CARS1: variants seen among roughly 807,000 people sequenced by gnomAD.
The protein encoded by CARS1 is cysteinyl-tRNA synthetase 1.
Under a neutral mutation model 106.2 loss-of-function variants are expected in CARS1, and 48 were observed. That is an observed-to-expected ratio of 0.45 (90% CI 0.36 to 0.57). The LOEUF (loss-of-function observed/expected upper bound fraction) is 0.57. CARS1 is among the 20% of genes least tolerant of loss of function. The probability of loss-of-function intolerance (pLI) is 0.00; values close to 1 mark genes in which losing one functional copy is unlikely to be tolerated. For synonymous variants in CARS1, 409 were observed against 403.4 expected (o/e 1.01, Z -0.17); for missense variants, 968 against 1,057.2 (o/e 0.92, Z 1.17).
intron 20 of CARS1, 42 bp from the exon 21 acceptor site, chr11:3,002,642 A>G (rs1265390950): frequency 6.2e-7 from 1 of 1,612,432 alleles, no homozygotes; most frequent in Non-Finnish European, 8.5e-7. Flanking sequence ...GGGCTGCCTC[A>G]GGCTGCTGGG....
rs1010748111 is a variant in CARS1 at position 3,046,949 on chromosome 11, C to CA, written c.274+803dup. The stretch of plus-strand genomic sequence containing the variant: ...TGGAGCTACGGGACAGACATCATCT[C>CA]AAAGAGAAAAAATGACTTATTTCTG... On this transcript the variant is annotated intron_variant, in intron 2 of 22. Coordinates refer to ENST00000380525, the MANE Select transcript of CARS1 (RefSeq NM_001014437.3). This position sits in a 1 kb window ranked among gnomAD's most constrained non-coding sequence, Gnocchi z 5.8. Among the ~76,000 whole-genome samples, 2 of 152,052 alleles carry CA rather than the reference C, an allele frequency of 1.3e-5. No homozygotes were observed. The highest frequency in any genetic ancestry group is 4.8e-5 in the African/African-American group (2 of 41,406).
intron 1 of CARS1, among the ~76,000 whole-genome samples, chr11:3,051,941 T>G (rs17687673): frequency 6.6e-6 from 1 of 152,222 alleles, no homozygotes; most frequent in South Asian, 2.1e-4. Flanking sequence ...GACAGTCACG[T>G]GCCTCTCACA....
At position 3,039,228 on chromosome 11, in the gene CARS1, G is replaced by A; in HGVS notation, c.617C>T (p.Ala206Val). The A allele has an allele frequency of 5.6e-6, 9 of 1,613,752 alleles. No homozygotes were observed. Among genetic ancestry groups the A allele is most frequent in the South Asian group, 1.1e-5 (1 of 91,068 alleles). Residue 206 changes from alanine to valine, a missense_variant, in exon 6 of 23, where the codon GCA becomes GTA. Ala to Val is a moderately conservative substitution (Grantham distance 64, BLOSUM62 0). Transcript: ENST00000380525. The surrounding 1 kb of genome is among the most constrained non-coding windows in gnomAD (Gnocchi z 5.6). ...EQYREKRPEAAQLLEDVQAAL... is the reference protein window; with the variant it reads ...EQYREKRPEAVQLLEDVQAAL... ...GGCCTGAACATCCTCCAAGAGCTGT[G>A]CCGCTTCAGGCCTCTTCTCCCGATA...
chr11:3,015,285 C>A (rs895490709), intron 17 of CARS1, among the ~76,000 whole-genome samples: 2 of 152,244 alleles, frequency 1.3e-5, no homozygotes, highest in African/African-American at 2.4e-5. Flanking sequence ...TGTGGACCGA[C>A]CTGGGCTCAG....
In CARS1 at chr11:3,052,286, A is replaced by G. The variant is rs192145200; in HGVS notation, c.26-4285T>C. Reference sequence around the variant, plus strand: ...CATTTCCTCACGGTAAAACACGCTCATAACATCAGCCCTGTAAAGCTGCAG... The same window carrying G: ...CATTTCCTCACGGTAAAACACGCTCGTAACATCAGCCCTGTAAAGCTGCAG... On this transcript the variant is annotated intron_variant, in intron 1 of 22. Transcript: ENST00000380525. The surrounding 1 kb of genome is among the most constrained non-coding windows in gnomAD (Gnocchi z 4.6). 7.3e-4 allele frequency among the ~76,000 whole-genome samples: 111 copies of G among 152,330 alleles called. No homozygotes were observed. Among genetic ancestry groups the G allele is most frequent in the African/African-American group, 2.5e-3 (102 of 41,588 alleles).
rs1218537096 is a variant in CARS1, at chr11:3,030,341, T to G, written c.802-898A>C. 6.6e-6 allele frequency: 1 copy of G among 152,216 alleles called. No homozygotes were observed. Among genetic ancestry groups the G allele is most frequent in the Non-Finnish European group, 1.5e-5 (1 of 68,076 alleles). 9.4% of individuals were successfully genotyped at this position (152,216 alleles called of 1,614,324 possible). A position where few individuals can be genotyped will look rare whatever the true frequency, so the allele number is the denominator to read the frequency against. The stretch of plus-strand genomic sequence containing the variant: ...TGATGCAATCCCTGCCTACAGCTCC[T>G]GAATCAAACAGATGTGTTAAATGTA... On this transcript the variant is annotated intron_variant, in intron 7 of 22. Coordinates refer to ENST00000380525, the MANE Select transcript of CARS1 (RefSeq NM_001014437.3). The surrounding 1 kb of genome is among the most constrained non-coding windows in gnomAD (Gnocchi z 5.7).
chr11:3,041,151 G>T lies in CARS1; in HGVS notation c.367-167C>A. The T allele has an allele frequency of 1.8e-6, 2 of 1,091,364 alleles. No individual in the cohort carries two copies. The highest frequency in any genetic ancestry group is 2.6e-6 in the Non-Finnish European group (2 of 769,308). 67.6% of individuals were successfully genotyped at this position (1,091,364 alleles called of 1,614,324 possible). On this transcript the variant is annotated intron_variant, in intron 3 of 22. Transcript: ENST00000380525. This position sits in a 1 kb window ranked among gnomAD's most constrained non-coding sequence, Gnocchi z 4.9. ...AAGTCACAGTCTCAGTGGGAGCCCA[G>T]TGAGATGTACGGCACCTCCCACCAA...
chr11:3,043,011 C>T lies in CARS1; in HGVS notation c.275-755G>A, dbSNP rs923144052. 2.6e-5 allele frequency among the ~76,000 whole-genome samples: 4 copies of T among 152,224 alleles called. No individual in the cohort carries two copies. The highest frequency in any genetic ancestry group is 4.4e-5 in the Non-Finnish European group (3 of 68,040). ...TCTGATCCAGACACTGGGCTTCAAG[C>T]TCCACATAGGTCTATACTGCCTTCA... On this transcript the variant is annotated intron_variant, in intron 2 of 22. Transcript: ENST00000380525. This position sits in a 1 kb window ranked among gnomAD's most constrained non-coding sequence, Gnocchi z 4.0.
chr11:3,016,534 T>C (rs7122056), intron 16 of CARS1, among the ~76,000 whole-genome samples: 7,595 of 152,220 alleles, frequency 0.05, 640 homozygotes, highest in African/African-American at 0.17. Context: ...GGTTTTGCTT[T>C]TCAAACTCCA....
In CARS1 at chr11:3,019,153, G is replaced by A; in HGVS notation, c.1381C>T (p.Leu461=). Residue 461 remains leucine (L), a synonymous_variant, in exon 12 of 23, where the codon CTG becomes TTG. Coordinates refer to ENST00000380525, the MANE Select transcript of CARS1 (RefSeq NM_001014437.3). The surrounding 1 kb of genome is among the most constrained non-coding windows in gnomAD (Gnocchi z 6.2). ...DLRFPHHDNE[L]AQSEAYFEND... Reference sequence around the variant, plus strand: ...TTTTCACCTACCTCCGACTGTGCCAGCTCATTGTCATGGTGGGGGAACCGG... The same window carrying A: ...TTTTCACCTACCTCCGACTGTGCCAACTCATTGTCATGGTGGGGGAACCGG... 3 of 1,523,080 alleles carry A rather than the reference G, an allele frequency of 2.0e-6. No individual in the cohort carries two copies. Among genetic ancestry groups the A allele is most frequent in the Non-Finnish European group, 2.6e-6 (3 of 1,138,914 alleles). The allele number at this position is 1,523,080 out of a possible 1,614,324, so 94.3% of individuals were successfully genotyped here.
intron 18 of CARS1, 76 bp from the exon 19 acceptor site, chr11:3,007,035 G>C (rs193197464): frequency 1.3e-3 from 1,577 of 1,199,124 alleles, no homozygotes; most frequent in Non-Finnish European, 1.7e-3. Flanking sequence ...CTCCAGTGCT[G>C]GGGAAGGAGG....
chr11:3,006,737 C>T (rs1849904071), intron 19 of CARS1, 142 bp downstream of exon 19: 7 of 752,182 alleles, frequency 9.3e-6, no homozygotes, highest in East Asian at 7.4e-5. Flanking sequence ...GGAATGGCGC[C>T]GGGGGACCCA....
In CARS1 at chr11:3,021,966, G is replaced by A. The variant is rs148722449; in HGVS notation, c.1154-1634C>T. 2.0e-5 allele frequency among the ~76,000 whole-genome samples: 3 copies of A among 152,204 alleles called. No individual in the cohort carries two copies. Among genetic ancestry groups the A allele is most frequent in the East Asian group, 3.9e-4 (2 of 5,190 alleles). On this transcript the variant is annotated intron_variant, in intron 10 of 22. Coordinates refer to ENST00000380525, the MANE Select transcript of CARS1 (RefSeq NM_001014437.3). The surrounding 1 kb of genome is among the most constrained non-coding windows in gnomAD (Gnocchi z 5.3). The stretch of plus-strand genomic sequence containing the variant: ...TTTATATCTGATTTTTTAAAAATAC[G>A]CTTTGAAAAAATTGATAACAGAGAA...
intron 1 of CARS1, among the ~76,000 whole-genome samples, chr11:3,056,575 C>T (rs1326499314): frequency 2.0e-5 from 3 of 152,188 alleles, no homozygotes; most frequent in African/African-American, 7.2e-5. Context: ...TTGCAGTGGA[C>T]TGCCTGCGGA....
In CARS1 at chr11:3,037,907, C is replaced by G; in HGVS notation, c.801+143G>C. 1.2e-6 allele frequency: 1 copy of G among 804,766 alleles called. No homozygotes were observed. The highest frequency in any genetic ancestry group is 1.9e-6 in the Non-Finnish European group (1 of 520,026). 49.9% of individuals were successfully genotyped at this position (804,766 alleles called of 1,614,324 possible). A position where few individuals can be genotyped will look rare whatever the true frequency, so the allele number is the denominator to read the frequency against. On this transcript the variant is annotated intron_variant, in intron 7 of 22. Transcript: ENST00000380525. The surrounding 1 kb of genome is among the most constrained non-coding windows in gnomAD (Gnocchi z 5.9). ...TGACTCAGCCACCGCAGAACAGGGC[C>G]GCCTGCCACAGTGGAGCTACTGGAG...
rs936586354 is a variant in CARS1, at chr11:3,037,525, G to T, written c.801+525C>A. On this transcript the variant is annotated intron_variant, in intron 7 of 22. Coordinates refer to ENST00000380525, the MANE Select transcript of CARS1 (RefSeq NM_001014437.3). The surrounding 1 kb of genome is among the most constrained non-coding windows in gnomAD (Gnocchi z 5.9). ...GTCCAGGGCGCCAGCCACAGGGAAA[G>T]GCCTGAGGAAGAGGGCAGGGTCCCC... 2.0e-5 allele frequency among the ~76,000 whole-genome samples: 3 copies of T among 152,236 alleles called. No homozygotes were observed. The highest frequency in any genetic ancestry group is 6.5e-5 in the Admixed American group (1 of 15,288).
chr11:3,012,332 A>G, intron 17 of CARS1, 56 bp from the exon 18 acceptor site: 3 of 1,466,384 alleles, frequency 2.0e-6, no homozygotes, highest in Non-Finnish European at 1.9e-6. Context: ...CATATTCATA[A>G]CAGAATAATA....
Position 3,028,136 on chromosome 11 carries a change from C to G in CARS1, c.1031+860G>C, listed in dbSNP as rs1006980031. ...AAATAATGGCGTAAGCTGCCTCTCT[C>G]TGTCTCCTCTCTCTCTCTGCCTTGG... is the stretch of plus-strand genomic sequence containing the variant. On this transcript the variant is annotated intron_variant, in intron 9 of 22. Coordinates refer to ENST00000380525, the MANE Select transcript of CARS1 (RefSeq NM_001014437.3). The surrounding 1 kb of genome is among the most constrained non-coding windows in gnomAD (Gnocchi z 4.4). 2.6e-5 allele frequency: 8 copies of G among 303,768 alleles called. No individual in the cohort carries two copies. The highest frequency in any genetic ancestry group is 1.5e-4 in the African/African-American group (7 of 45,850). 18.8% of individuals were successfully genotyped at this position (303,768 alleles called of 1,614,324 possible). A position where few individuals can be genotyped will look rare whatever the true frequency, so the allele number is the denominator to read the frequency against.
rs2134240554 is a variant in CARS1, at chr11:3,037,564, C to A, written c.801+486G>T. On this transcript the variant is annotated intron_variant, in intron 7 of 22. Coordinates refer to ENST00000380525, the MANE Select transcript of CARS1 (RefSeq NM_001014437.3). This position sits in a 1 kb window ranked among gnomAD's most constrained non-coding sequence, Gnocchi z 5.9. ...GGCAGGGTCCCCTCTGCACCCAGGT[C>A]TCTGCCCTGTGTCTGAAGGAGATAT... is the stretch of plus-strand genomic sequence containing the variant. Among the ~76,000 whole-genome samples, 1 of 152,266 alleles carries A rather than the reference C, an allele frequency of 6.6e-6. No individual in the cohort carries two copies. The highest frequency in any genetic ancestry group is 2.1e-4 in the South Asian group (1 of 4,830).
Sources: allele counts gnomAD v4.1 joint callset (sites outside exome capture counted in the v4.1 genomes callset), GRCh38; gene constraint gnomAD v4.1.1; non-coding constraint Gnocchi (gnomAD v3.1); transcripts MANE v1.5; gene names NCBI Gene and HGNC (gene_info 2026-07-23, HGNC 2026-07-21).